SLC35F1: variants seen among roughly 807,000 people sequenced by gnomAD.
The protein encoded by SLC35F1 is chromosome 6 open reading frame 169.
SLC35F1 carries 14 observed loss-of-function variants against 48.7 expected under a neutral mutation model. That is an observed-to-expected ratio of 0.29 (90% CI 0.19 to 0.45). The LOEUF is 0.45. Ranked by LOEUF, SLC35F1 falls within the 20% of genes least tolerant of loss-of-function variation. The probability of loss-of-function intolerance (pLI) is 1.00; values close to 1 mark genes in which losing one functional copy is unlikely to be tolerated. For synonymous variants in SLC35F1, 190 were observed against 202.2 expected (o/e 0.94, Z 0.51); for missense variants, 404 against 500.0 (o/e 0.81, Z 1.83).
intron 1 of SLC35F1, among the ~76,000 whole-genome samples, chr6:117,930,100 A>G (rs1004458013): frequency 3.3e-5 from 5 of 152,218 alleles, no homozygotes; most frequent in Admixed American, 3.3e-4. Flanking sequence ...ATGCTCTTAC[A>G]TAGCTTTCTA....
At chr6:118,057,282 T>C (rs1772475801) in intron 1 of SLC35F1, among the ~76,000 whole-genome samples, 1 of 152,140 alleles carries the variant, frequency 6.6e-6, no homozygotes, top group Admixed American at 6.5e-5. Context: ...GGCTTTGATA[T>C]AGGCTTTAAT....
chr6:118,192,511 G>T (rs1254364040), intron 2 of SLC35F1, among the ~76,000 whole-genome samples: 1 of 152,098 alleles, frequency 6.6e-6, no homozygotes, highest in Non-Finnish European at 1.5e-5. Context: ...TTCAGAAACT[G>T]CATTAGCATT....
chr6:117,943,470 T>C (rs529387118), intron 1 of SLC35F1, among the ~76,000 whole-genome samples: 2 of 152,300 alleles, frequency 1.3e-5, no homozygotes, highest in East Asian at 3.9e-4. Context: ...TCAGGAGAAA[T>C]TGAACAGTTG....
At chr6:117,956,689 A>T (rs546270146) in intron 1 of SLC35F1, among the ~76,000 whole-genome samples, 1 of 152,208 alleles carries the variant, frequency 6.6e-6, no homozygotes, top group Non-Finnish European at 1.5e-5. Flanking sequence ...TAAAGTGCCT[A>T]CAAGGGAAGC....
intron 1 of SLC35F1, among the ~76,000 whole-genome samples, chr6:118,119,647 G>A (rs1006341077): frequency 6.6e-6 from 1 of 151,840 alleles, no homozygotes; most frequent in Non-Finnish European, 1.5e-5. Context: ...GGGATTACAG[G>A]GGCCCACCAC....
intron 1 of SLC35F1, among the ~76,000 whole-genome samples, chr6:117,975,265 GA>G (rs1045087255): frequency 6.6e-5 from 10 of 152,196 alleles, no homozygotes; most frequent in African/African-American, 2.2e-4. Flanking sequence ...TAAATAGCTA[GA>G]AAAAAAGTTT....
At chr6:118,004,470 A>G (rs951482537) in intron 1 of SLC35F1, among the ~76,000 whole-genome samples, 2 of 152,234 alleles carry the variant, frequency 1.3e-5, no homozygotes, top group Non-Finnish European at 2.9e-5. Context: ...TTGGAAAACA[A>G]AGTTCTAATC....
intron 4 of SLC35F1, among the ~76,000 whole-genome samples, chr6:118,273,210 G>A (rs1238034651): frequency 3.3e-5 from 5 of 152,106 alleles, no homozygotes; most frequent in African/African-American, 1.2e-4. Context: ...TACAGTCAAA[G>A]GCTAGTTAAC....
At chr6:118,091,379 C>A (rs745846883) in intron 1 of SLC35F1, among the ~76,000 whole-genome samples, 12 of 152,172 alleles carry the variant, frequency 7.9e-5, no homozygotes, top group South Asian at 6.2e-4. Flanking sequence ...ACAGGTTTTT[C>A]CCATGCTGTT....
chr6:118,050,379 CA>C (rs199829799), intron 1 of SLC35F1, among the ~76,000 whole-genome samples: 132 of 139,468 alleles, frequency 9.5e-4, no homozygotes, highest in African/African-American at 2.2e-3. Flanking sequence ...AATAAAATTT[CA>C]AAAAAAAAAA....
intron 1 of SLC35F1, among the ~76,000 whole-genome samples, chr6:118,052,795 C>T (rs556519384): frequency 6.6e-6 from 1 of 152,240 alleles, no homozygotes; most frequent in South Asian, 2.1e-4. Flanking sequence ...TATGAGAGAA[C>T]AGTTAATTCT....
intron 1 of SLC35F1, among the ~76,000 whole-genome samples, chr6:118,011,885 C>T (rs1305112027): frequency 6.6e-6 from 1 of 152,142 alleles, no homozygotes; most frequent in South Asian, 2.1e-4. Context: ...AAGCACTGGT[C>T]TGAGGGACAA....
intron 1 of SLC35F1, among the ~76,000 whole-genome samples, chr6:118,008,699 T>A (rs180897433): frequency 2.0e-5 from 3 of 152,314 alleles, no homozygotes; most frequent in Admixed American, 2.0e-4. Context: ...TAACCTATAT[T>A]TAATGCTAGT....
intron 2 of SLC35F1, among the ~76,000 whole-genome samples, chr6:118,191,952 C>T (rs2114523678): frequency 6.6e-6 from 1 of 152,294 alleles, no homozygotes; most frequent in African/African-American, 2.4e-5. Context: ...TTAGTCACCA[C>T]ACCAATATAT....
chr6:118,006,700 T>A (rs929326253), intron 1 of SLC35F1, among the ~76,000 whole-genome samples: 5 of 152,144 alleles, frequency 3.3e-5, no homozygotes, highest in Non-Finnish European at 5.9e-5. Flanking sequence ...TTAAAGTATA[T>A]CCTCTTATCA....
At chr6:118,245,653 G>C (rs1775498055) in intron 3 of SLC35F1, among the ~76,000 whole-genome samples, 1 of 152,122 alleles carries the variant, frequency 6.6e-6, no homozygotes. Context: ...AACATAGACT[G>C]TTCCCCACCT....
At chr6:118,273,350 A>G (rs975971128) in intron 4 of SLC35F1, among the ~76,000 whole-genome samples, 4 of 152,144 alleles carry the variant, frequency 2.6e-5, no homozygotes, top group African/African-American at 7.2e-5. Flanking sequence ...ATATTTCATT[A>G]TGATTTAGCT....
At chr6:117,908,575 T>G (rs906378923) in intron 1 of SLC35F1, among the ~76,000 whole-genome samples, 1 of 152,210 alleles carries the variant, frequency 6.6e-6, no homozygotes, top group Non-Finnish European at 1.5e-5. Context: ...GAAGCGCCCA[T>G]GCCGGAGGGG....
intron 1 of SLC35F1, among the ~76,000 whole-genome samples, chr6:118,146,378 C>T (rs191225672): frequency 7.5e-4 from 114 of 152,236 alleles, no homozygotes; most frequent in African/African-American, 2.6e-3. Flanking sequence ...TCTGTTTACC[C>T]ATATCTTCTA....
Sources: gnomAD v4.1 joint callset for allele counts (sites outside exome capture counted in the v4.1 genomes callset) on GRCh38, gnomAD v4.1.1 for gene constraint, MANE v1.5 for transcripts, NCBI Gene and HGNC (gene_info 2026-07-23, HGNC 2026-07-21) for gene names.